The following ZFP3 variants were observed in gnomAD, a reference collection of about 807,000 sequenced individuals.
The protein encoded by ZFP3 is ZFP3 zinc finger protein.
In ZFP3, 18 loss-of-function variants were observed where a neutral mutation model predicts 36.7. The observed-to-expected ratio is 0.49, with a 90% confidence interval of 0.34 to 0.73. ZFP3 has a LOEUF of 0.73. Ranked by LOEUF, ZFP3 falls within the 30% of genes least tolerant of loss-of-function variation. The pLI is 0.01. For synonymous variants in ZFP3, 218 were observed against 199.0 expected (o/e 1.10, Z -0.81); for missense variants, 495 against 599.0 (o/e 0.83, Z 1.81).
chr17:5,081,118 G>A (rs2072090993), intron 1 of ZFP3, among the ~76,000 whole-genome samples: 1 of 142,772 alleles, frequency 7.0e-6, no homozygotes, highest in South Asian at 2.2e-4. Flanking sequence ...TCTTTTTTGA[G>A]ATGGAGTCTC....
In ZFP3 at chr17:5,093,175, CTTTTTTTT is replaced by C; in HGVS notation, c.*173_*180del. The C allele has an allele frequency of 4.1e-6, 2 of 489,608 alleles. No homozygotes were observed. Among genetic ancestry groups the C allele is most frequent in the Non-Finnish European group, 6.8e-6 (2 of 294,492 alleles). 30.3% of individuals were successfully genotyped at this position (489,608 alleles called of 1,614,324 possible). On this transcript the variant is annotated 3_prime_UTR_variant, in exon 2 of 2. Transcript: ENST00000318833. Reference sequence around the variant, plus strand: ...ATAGTTGGTTGAAGAAGATGAGGCACTTTTTTTTTTTTTTTTTTAAGCATTGGGGTCTT... The same window carrying C: ...ATAGTTGGTTGAAGAAGATGAGGCACTTTTTTTTTTAAGCATTGGGGTCTT...
rs11313283 is a variant in ZFP3, at chr17:5,093,620, AC to A, written c.*608del. 165,729 of 167,218 alleles carry A rather than the reference AC, an allele frequency of 0.99. 82,142 individuals carry two copies. The highest frequency in any genetic ancestry group is 1 in the East Asian group (5,194 of 5,194). 10.4% of individuals were successfully genotyped at this position (167,218 alleles called of 1,614,324 possible). ...GAAGACACACCTCATTCTCCTGTCC[AC>A]TGTTTAGCATTGGAATAATTTAGTA... On this transcript the variant is annotated 3_prime_UTR_variant, in exon 2 of 2. Coordinates refer to ENST00000318833, the MANE Select transcript of ZFP3 (RefSeq NM_153018.3).
rs2072159850 is a variant in ZFP3, at chr17:5,093,165, A to G, written c.*152A>G. Reference sequence around the variant, plus strand: ...CTGATTTTAAATAGTTGGTTGAAGAAGATGAGGCACTTTTTTTTTTTTTTT... The same window carrying G: ...CTGATTTTAAATAGTTGGTTGAAGAGGATGAGGCACTTTTTTTTTTTTTTT... On this transcript the variant is annotated 3_prime_UTR_variant, in exon 2 of 2. Coordinates refer to ENST00000318833, the MANE Select transcript of ZFP3 (RefSeq NM_153018.3). The G allele has an allele frequency of 2.4e-6, 2 of 831,336 alleles. No homozygotes were observed. Among genetic ancestry groups the G allele is most frequent in the Non-Finnish European group, 3.4e-6 (2 of 581,908 alleles). 51.5% of individuals were successfully genotyped at this position (831,336 alleles called of 1,614,324 possible).
chr17:5,093,139 A>G lies in ZFP3; in HGVS notation c.*126A>G. ...TGGACAGAACCTCCTCTGTCCTCCC[A>G]CTGATTTTAAATAGTTGGTTGAAGA... On this transcript the variant is annotated 3_prime_UTR_variant, in exon 2 of 2. Coordinates refer to ENST00000318833, the MANE Select transcript of ZFP3 (RefSeq NM_153018.3). 1.0e-6 allele frequency: 1 copy of G among 1,004,446 alleles called. No homozygotes were observed. The highest frequency in any genetic ancestry group is 1.4e-6 in the Non-Finnish European group (1 of 716,428). The allele number at this position is 1,004,446 out of a possible 1,614,324, so 62.2% of individuals were successfully genotyped here.
Position 5,094,560 on chromosome 17 carries a change from C to A in ZFP3, c.*1547C>A, listed in dbSNP as rs1233627398. ...ACTTCACCTGCTGGTCTCCAATTTT[C>A]TCCTCTGTAAAATGAAAGAGTTGAA... On this transcript the variant is annotated 3_prime_UTR_variant, in exon 2 of 2. Coordinates refer to ENST00000318833, the MANE Select transcript of ZFP3 (RefSeq NM_153018.3). 1 of 167,106 alleles carries A rather than the reference C, an allele frequency of 6.0e-6. No individual in the cohort carries two copies. The highest frequency in any genetic ancestry group is 2.4e-5 in the African/African-American group (1 of 41,464). 10.4% of individuals were successfully genotyped at this position (167,106 alleles called of 1,614,324 possible). A position where few individuals can be genotyped will look rare whatever the true frequency, so the allele number is the denominator to read the frequency against.
chr17:5,090,912 G>A (rs1376775477), intron 1 of ZFP3, among the ~76,000 whole-genome samples: 4 of 151,882 alleles, frequency 2.6e-5, no homozygotes, highest in African/African-American at 7.3e-5. Flanking sequence ...CAAATGATCC[G>A]CCCGCCTCGG....
In ZFP3 at chr17:5,093,111, G is replaced by A. The variant is rs539957501; in HGVS notation, c.*98G>A. The A allele has an allele frequency of 4.2e-4, 528 of 1,266,210 alleles. 3 individuals are homozygous for A. Among genetic ancestry groups the A allele is most frequent in the South Asian group, 3.1e-3 (187 of 60,290 alleles). 78.4% of individuals were successfully genotyped at this position (1,266,210 alleles called of 1,614,324 possible). On this transcript the variant is annotated 3_prime_UTR_variant, in exon 2 of 2. Transcript: ENST00000318833. ...TGCACCCCAAGTATTCAAATCCAAT[G>A]AATGGACAGAACCTCCTCTGTCCTC...
rs1319490929 is a variant in ZFP3, at chr17:5,078,845, C to G, written c.-9+270C>G. Among the ~76,000 whole-genome samples the G allele has an allele frequency of 6.6e-6, 1 of 152,172 alleles. No homozygotes were observed. The highest frequency in any genetic ancestry group is 2.4e-5 in the African/African-American group (1 of 41,450). ...GGGGGTGGGAGAAGCAGGGACACTC[C>G]CTTCTGTACCGAGGTGGGGACCCGT... On this transcript the variant is annotated intron_variant, in intron 1 of 1. Transcript: ENST00000318833. The surrounding 1 kb of genome is among the most constrained non-coding windows in gnomAD (Gnocchi z 4.5).
chr17:5,087,998 C>T (rs1207986774), intron 1 of ZFP3, among the ~76,000 whole-genome samples: 2 of 152,212 alleles, frequency 1.3e-5, no homozygotes, highest in African/African-American at 4.8e-5. Context: ...GTTTCTTTGA[C>T]TCCTAGGCTT....
chr17:5,088,684 G>A (rs188840927), intron 1 of ZFP3, among the ~76,000 whole-genome samples: 196 of 152,090 alleles, frequency 1.3e-3, no homozygotes, highest in African/African-American at 3.9e-3. Flanking sequence ...TTCTGACCTC[G>A]TGATCCACCA....
Position 5,092,695 on chromosome 17 carries a change from G to T in ZFP3, c.1191G>T (p.Glu397Asp). The change falls in exon 2 of 2, where the codon GAG (glutamate) becomes GAT (aspartate). Residue 397 changes from glutamate (E) to aspartate (D), a missense_variant. By Grantham distance (45) the Glu-to-Asp change is conservative. Around this residue, in one of 3 missense-constraint regions of ZFP3, gnomAD observed 163 missense variants for 178.4 expected, o/e 0.91. Transcript: ENST00000318833. The surrounding 1 kb of genome is among the most constrained non-coding windows in gnomAD (Gnocchi z 5.0). ...HTGEKPYECF[E>D]CGKAFRRTSH... ...GAGAGAAACCCTATGAATGCTTTGA[G>T]TGTGGAAAGGCTTTCAGGCGGACCT... 6.2e-7 allele frequency: 1 copy of T among 1,613,726 alleles called. No individual in the cohort carries two copies. The highest frequency in any genetic ancestry group is 1.1e-5 in the South Asian group (1 of 91,036).
chr17:5,087,287 A>C (rs1234494796), intron 1 of ZFP3, among the ~76,000 whole-genome samples: 1 of 151,660 alleles, frequency 6.6e-6, no homozygotes, highest in Non-Finnish European at 1.5e-5. Context: ...TATGTTTCCC[A>C]GGCTGGTCTC....
At position 5,091,743 on chromosome 17, in the gene ZFP3, C is replaced by T; in HGVS notation, c.239C>T (p.Pro80Leu). 4.3e-6 allele frequency: 7 copies of T among 1,614,158 alleles called. No individual in the cohort carries two copies. The highest frequency in any genetic ancestry group is 5.9e-6 in the Non-Finnish European group (7 of 1,180,044). Residue 80 changes from proline (P) to leucine (L), a missense_variant, in exon 2 of 2, where the codon CCC (proline) becomes CTC (leucine). Physicochemically the swap from Pro to Leu is moderately conservative, Grantham distance 98. Transcript: ENST00000318833. ...GGGTTGATGATCTTTAAGAAATCAC[C>T]CTCAAGTGAGAAAGACCGGGAGAAT... Reference protein sequence around the residue: ...PSGLMIFKKSPSSEKDRENNE... With the variant: ...PSGLMIFKKSLSSEKDRENNE...
chr17:5,090,176 G>A (rs1201777517), intron 1 of ZFP3, among the ~76,000 whole-genome samples: 1 of 152,134 alleles, frequency 6.6e-6, no homozygotes, highest in East Asian at 1.9e-4. Flanking sequence ...TTATACTAAA[G>A]TTTACTTGGG....
Position 5,091,244 on chromosome 17 carries a change from G to C in ZFP3, c.-8-253G>C, listed in dbSNP as rs118131185. ...TGTCATTTCGCCAGATATCAAGACT[G>C]TTTCTGTTTTGTTTTTTTGTTTTGA... On this transcript the variant is annotated intron_variant, in intron 1 of 1. Coordinates refer to ENST00000318833, the MANE Select transcript of ZFP3 (RefSeq NM_153018.3). Among the ~76,000 whole-genome samples, 38 of 152,072 alleles carry C rather than the reference G, an allele frequency of 2.5e-4. No homozygotes were observed. The East Asian group carries it at 4.9e-3, about 19-fold the overall frequency.
At chr17:5,091,413 T>G in intron 1 of ZFP3, 84 bp from the exon 2 acceptor site, 2 of 1,373,166 alleles carry the variant, frequency 1.5e-6, no homozygotes, top group Non-Finnish European at 2.0e-6. Context: ...CTATGAGAAC[T>G]ACATCAAAGC....
intron 1 of ZFP3, among the ~76,000 whole-genome samples, chr17:5,086,323 G>A (rs7220266): frequency 0.36 from 54,412 of 152,006 alleles, 11,760 homozygotes; most frequent in Non-Finnish European, 0.49. Flanking sequence ...CCAACATCCT[G>A]TGGATAACGG....
At chr17:5,081,275 C>G (rs10744993) in intron 1 of ZFP3, among the ~76,000 whole-genome samples, 151,209 of 152,084 alleles carry the variant, frequency 0.99, 75,174 homozygotes, top group East Asian at 1. Flanking sequence ...TGTATTTTTA[C>G]TAGAGGTGGG....
At position 5,093,138 on chromosome 17, in the gene ZFP3, C is replaced by A; in HGVS notation, c.*125C>A. 1.9e-6 allele frequency: 2 copies of A among 1,062,818 alleles called. No homozygotes were observed. The highest frequency in any genetic ancestry group is 2.6e-6 in the Non-Finnish European group (2 of 765,774). 65.8% of individuals were successfully genotyped at this position (1,062,818 alleles called of 1,614,324 possible). A position where few individuals can be genotyped will look rare whatever the true frequency, so the allele number is the denominator to read the frequency against. Reference sequence around the variant, plus strand: ...ATGGACAGAACCTCCTCTGTCCTCCCACTGATTTTAAATAGTTGGTTGAAG... The same window carrying A: ...ATGGACAGAACCTCCTCTGTCCTCCAACTGATTTTAAATAGTTGGTTGAAG... On this transcript the variant is annotated 3_prime_UTR_variant, in exon 2 of 2. Coordinates refer to ENST00000318833, the MANE Select transcript of ZFP3 (RefSeq NM_153018.3).
Sources: gnomAD v4.1 joint callset for allele counts (sites outside exome capture counted in the v4.1 genomes callset) on GRCh38, gnomAD v4.1.1 for gene constraint, gnomAD v4.1.1 regional missense constraint, Gnocchi (gnomAD v3.1) non-coding constraint, MANE v1.5 for transcripts, NCBI Gene and HGNC (gene_info 2026-07-23, HGNC 2026-07-21) for gene names.